ELP3: variants seen among roughly 807,000 people sequenced by gnomAD.
The protein encoded by ELP3 is elongator acetyltransferase complex subunit 3.
A neutral mutation model predicts 74.9 loss-of-function variants in ELP3; 56 were observed. The observed-to-expected ratio is 0.75, with a 90% CI of 0.60 to 0.93. The LOEUF (loss-of-function observed/expected upper bound fraction) is 0.93. ELP3 is among the 40% of genes least tolerant of loss of function. The probability of loss-of-function intolerance (pLI) is 0.00; values close to 1 mark genes in which losing one functional copy is unlikely to be tolerated. For synonymous variants in ELP3, 222 were observed against 239.8 expected (o/e 0.93, Z 0.68); for missense variants, 573 against 686.5 (o/e 0.83, Z 1.85).
intron 3 of ELP3, among the ~76,000 whole-genome samples, chr8:28,104,260 T>C (rs1445939700): frequency 6.6e-6 from 1 of 152,236 alleles, no homozygotes. Context: ...GTTTATCAGG[T>C]ACCAATTATG....
chr8:28,179,696 T>C (rs1814921155), intron 14 of ELP3, among the ~76,000 whole-genome samples: 1 of 152,226 alleles, frequency 6.6e-6, no homozygotes, highest in Non-Finnish European at 1.5e-5. Context: ...TCATCAGGCA[T>C]TAGATTCTTA....
intron 7 of ELP3, among the ~76,000 whole-genome samples, chr8:28,122,473 T>C (rs936977891): frequency 6.6e-6 from 1 of 152,268 alleles, no homozygotes; most frequent in Non-Finnish European, 1.5e-5. Context: ...TCAGTTCATT[T>C]AATAGATATA....
chr8:28,121,160 C>CT (rs1278345798), intron 7 of ELP3, among the ~76,000 whole-genome samples: 2 of 152,070 alleles, frequency 1.3e-5, no homozygotes, highest in Middle Eastern at 3.2e-3. Flanking sequence ...TGAACATAGT[C>CT]TATCTCCTTG....
chr8:28,189,603 A>G, intron 14 of ELP3, 46 bp from the exon 15 acceptor site: 1 of 1,601,884 alleles, frequency 6.2e-7, no homozygotes, highest in South Asian at 1.1e-5. Context: ...GACTTTTGAG[A>G]ATTGCTAAAG....
intron 9 of ELP3, among the ~76,000 whole-genome samples, chr8:28,135,304 C>A (rs1001955452): frequency 6.6e-6 from 1 of 152,214 alleles, no homozygotes; most frequent in African/African-American, 2.4e-5. Flanking sequence ...AGCTTGCAGG[C>A]GTGCTTCACT....
intron 4 of ELP3, among the ~76,000 whole-genome samples, chr8:28,107,588 G>A (rs1009944507): frequency 3.3e-5 from 5 of 152,216 alleles, no homozygotes; most frequent in African/African-American, 9.6e-5. Flanking sequence ...CTTGAGTGTG[G>A]TTCCCAAGAG....
chr8:28,136,089 A>G (rs1455263503), intron 9 of ELP3, among the ~76,000 whole-genome samples: 2 of 151,532 alleles, frequency 1.3e-5, no homozygotes, highest in Non-Finnish European at 2.9e-5. Flanking sequence ...AGCCTCCTCA[A>G]TAGCTGGGAT....
At chr8:28,101,233 C>T (rs991219717) in intron 3 of ELP3, among the ~76,000 whole-genome samples, 6 of 151,450 alleles carry the variant, frequency 4.0e-5, no homozygotes, top group Admixed American at 1.3e-4. Context: ...GCTAACACGA[C>T]GAAAGCCCAT....
At chr8:28,131,268 A>G (rs966973739) in intron 8 of ELP3, among the ~76,000 whole-genome samples, 11 of 152,336 alleles carry the variant, frequency 7.2e-5, no homozygotes, top group African/African-American at 2.4e-4. Flanking sequence ...TTTGCTTTAG[A>G]GCAGGGCTAG....
intron 7 of ELP3, among the ~76,000 whole-genome samples, chr8:28,125,437 A>G (rs12548838): frequency 0.29 from 44,322 of 152,080 alleles, 6,659 homozygotes; most frequent in Admixed American, 0.34. Context: ...CAGTTGCAGT[A>G]AGGACAGAGG....
intron 8 of ELP3, 144 bp downstream of exon 8, chr8:28,129,807 C>A (rs377234990): frequency 4.2e-6 from 4 of 949,826 alleles, no homozygotes; most frequent in Middle Eastern, 3.1e-4. Context: ...TTTCTTCTGT[C>A]TGTGTTCTTA....
chr8:28,176,697 T>C (rs1814771505), intron 14 of ELP3, among the ~76,000 whole-genome samples: 2 of 152,196 alleles, frequency 1.3e-5, no homozygotes, highest in African/African-American at 4.8e-5. Flanking sequence ...ATTTTCCCTC[T>C]TGAAGTCTGT....
At chr8:28,108,034 T>C in intron 5 of ELP3, 58 bp downstream of exon 5, 4 of 1,442,746 alleles carry the variant, frequency 2.8e-6, no homozygotes, top group Non-Finnish European at 3.9e-6. Context: ...ACCTGTAGTA[T>C]GGTTTTACCA....
chr8:28,176,286 CT>C (rs1393693293), intron 14 of ELP3, among the ~76,000 whole-genome samples: 13 of 152,182 alleles, frequency 8.5e-5, no homozygotes, highest in Non-Finnish European at 1.9e-4. Context: ...CTCTTCAAAT[CT>C]TTTGATACAC....
At chr8:28,106,892 T>C (rs1420338292) in intron 4 of ELP3, 109 bp downstream of exon 4, 1 of 714,916 alleles carries the variant, frequency 1.4e-6, no homozygotes, top group Non-Finnish European at 2.3e-6. Flanking sequence ...TTCAGCTTAA[T>C]AGATTTATAG....
chr8:28,108,620 C>T (rs755335198), intron 5 of ELP3, among the ~76,000 whole-genome samples: 3 of 152,088 alleles, frequency 2.0e-5, no homozygotes, highest in Non-Finnish European at 4.4e-5. Context: ...CCACGCCCAG[C>T]TAATTTTTGT....
chr8:28,113,134 T>C lies in ELP3; in HGVS notation c.578T>C (p.Leu193Ser). 6.2e-7 allele frequency: 1 copy of C among 1,613,796 alleles called. No homozygotes were observed. The highest frequency in any genetic ancestry group is 8.5e-7 in the Non-Finnish European group (1 of 1,179,846). Residue 193 changes from leucine (L) to serine (S), a missense_variant, in exon 7 of 15, where the codon TTA (leucine) becomes TCA (serine). Coordinates refer to ENST00000256398, the MANE Select transcript of ELP3 (RefSeq NM_018091.6). ...DYFIRNLHDA[L>S]SGHTSNNIYE... ...TTTATTCGAAATTTACATGATGCCT[T>C]ATCAGGACATACTTCCAACAATATT...
chr8:28,184,694 G>C (rs1405862239), intron 14 of ELP3, among the ~76,000 whole-genome samples: 1 of 152,120 alleles, frequency 6.6e-6, no homozygotes, highest in Non-Finnish European at 1.5e-5. Flanking sequence ...CATATTTTTG[G>C]AAGTAAAGCA....
chr8:28,158,781 C>T (rs1219869122), intron 12 of ELP3, 148 bp downstream of exon 12: 3 of 656,398 alleles, frequency 4.6e-6, no homozygotes, highest in Non-Finnish European at 7.9e-6. Flanking sequence ...GGTGTCAAAC[C>T]GTGAAAGCCA....
Sources: allele counts gnomAD v4.1 joint callset (sites outside exome capture counted in the v4.1 genomes callset), GRCh38; gene constraint gnomAD v4.1.1; transcripts MANE v1.5; gene names NCBI Gene and HGNC (gene_info 2026-07-23, HGNC 2026-07-21).